FOXD3: variants seen among roughly 807,000 people sequenced by gnomAD.
FOXD3 encodes forkhead box protein D3.
In FOXD3, 3 loss-of-function variants were observed where a neutral mutation model predicts 3.6. The ratio of observed to expected loss-of-function variants is 0.84; its 90% CI spans 0.38 to 2.18. The LOEUF (loss-of-function observed/expected upper bound fraction) is 2.18. Among genes scored for constraint, FOXD3 ranks in the 30% most tolerant of loss-of-function variants. FOXD3 has a pLI of 0.06. For synonymous variants in FOXD3, 391 were observed against 360.9 expected (o/e 1.08, Z -0.94); for missense variants, 686 against 731.6 (o/e 0.94, Z 0.72).
Position 63,325,101 on chromosome 1 carries a change from C to T in FOXD3, c.*606C>T, listed in dbSNP as rs1432402379. 1 of 166,544 alleles carries T rather than the reference C, an allele frequency of 6.0e-6. No homozygotes were observed. The highest frequency in any genetic ancestry group is 2.4e-5 in the African/African-American group (1 of 41,420). The allele number at this position is 166,544 out of a possible 1,614,324, so 10.3% of individuals were successfully genotyped here. On this transcript the variant is annotated 3_prime_UTR_variant, in exon 1 of 1. Coordinates refer to ENST00000371116, the MANE Select transcript of FOXD3 (RefSeq NM_012183.3). ...TGTTATTCCATCGTGTTGTACACAA[C>T]TTTGTAAATAAATTTTTAAAATGCC...
In FOXD3 at chr1:63,324,891, T is replaced by G. The variant is rs1364280118; in HGVS notation, c.*396T>G. 1 of 192,784 alleles carries G rather than the reference T, an allele frequency of 5.2e-6. No homozygotes were observed. The highest frequency in any genetic ancestry group is 2.4e-5 in the African/African-American group (1 of 42,216). 11.9% of individuals were successfully genotyped at this position (192,784 alleles called of 1,614,324 possible). A position where few individuals can be genotyped will look rare whatever the true frequency, so the allele number is the denominator to read the frequency against. ...TTTATTTTTTTAAGAAAAAACAAATTCCGTAGATTTAGAGCTCTGAACTTT... is the reference window on the plus strand; with the variant it reads ...TTTATTTTTTTAAGAAAAAACAAATGCCGTAGATTTAGAGCTCTGAACTTT... On this transcript the variant is annotated 3_prime_UTR_variant, in exon 1 of 1. Coordinates refer to ENST00000371116, the MANE Select transcript of FOXD3 (RefSeq NM_012183.3). This position sits in a 1 kb window ranked among gnomAD's most constrained non-coding sequence, Gnocchi z 4.1.
At position 63,324,222 on chromosome 1, in the gene FOXD3, C is replaced by A; in HGVS notation, c.1164C>A (p.Pro388=). The A allele has an allele frequency of 1.4e-6, 2 of 1,441,266 alleles. No individual in the cohort carries two copies. The highest frequency in any genetic ancestry group is 1.8e-6 in the Non-Finnish European group (2 of 1,108,624). The allele number at this position is 1,441,266 out of a possible 1,614,324, so 89.3% of individuals were successfully genotyped here. The change falls in exon 1 of 1, where the codon CCC becomes CCA. Residue 388 remains proline, a synonymous_variant. Coordinates refer to ENST00000371116, the MANE Select transcript of FOXD3 (RefSeq NM_012183.3). The surrounding 1 kb of genome is among the most constrained non-coding windows in gnomAD (Gnocchi z 4.1). ...FSIENIIGGG[P]AAPGGSAVGA... is the part of the protein sequence containing the mutation. ...TCGAGAACATCATAGGTGGGGGCCC[C>A]GCGGCTCCTGGGGGCTCGGCGGTGG...
Position 63,323,862 on chromosome 1 carries a change from G to T in FOXD3, c.804G>T (p.Ala268=), listed in dbSNP as rs758688806. 1 of 1,555,918 alleles carries T rather than the reference G, an allele frequency of 6.4e-7. No individual in the cohort carries two copies. Among genetic ancestry groups the T allele is most frequent in the Non-Finnish European group, 8.6e-7 (1 of 1,157,052 alleles). ...GCCTGGCGGCGGCGGCCGGCGCCGC[G>T]GGACCCTACGGCCGCCCCTACGGCC... ...AYSLAAAAGA[A]GPYGRPYGLH... The change falls in exon 1 of 1, where the codon GCG becomes GCT. Residue 268 remains alanine (A), a synonymous_variant. Coordinates refer to ENST00000371116, the MANE Select transcript of FOXD3 (RefSeq NM_012183.3). This position sits in a 1 kb window ranked among gnomAD's most constrained non-coding sequence, Gnocchi z 6.8.
Position 63,323,231 on chromosome 1 carries a change from C to T in FOXD3, c.173C>T (p.Ala58Val). ...AGPPELRLDE[A>V]DEVPPAAPHH... Reference sequence around the variant, plus strand: ...CCGCCGGAGCTGCGCCTGGACGAGGCGGACGAGGTGCCCCCGGCGGCACCC... The same window carrying T: ...CCGCCGGAGCTGCGCCTGGACGAGGTGGACGAGGTGCCCCCGGCGGCACCC... Residue 58 changes from alanine (A) to valine (V), a missense_variant, in exon 1 of 1, where the codon GCG becomes GTG. By Grantham distance (64) the Ala-to-Val change is moderately conservative (BLOSUM62 0). Around this residue, in one of 3 missense-constraint regions of FOXD3, gnomAD observed 232 missense variants for 214.0 expected, o/e 1.08. Transcript: ENST00000371116. This position sits in a 1 kb window ranked among gnomAD's most constrained non-coding sequence, Gnocchi z 6.8. The T allele has an allele frequency of 6.6e-7, 1 of 1,525,940 alleles. No individual in the cohort carries two copies. The highest frequency in any genetic ancestry group is 8.8e-7 in the Non-Finnish European group (1 of 1,137,362). 94.5% of individuals were successfully genotyped at this position (1,525,940 alleles called of 1,614,324 possible).
chr1:63,322,725 G>A lies in FOXD3; in HGVS notation c.-334G>A. 1 of 985,114 alleles carries A rather than the reference G, an allele frequency of 1.0e-6. No homozygotes were observed. The highest frequency in any genetic ancestry group is 1.1e-4 in the East Asian group (1 of 8,796). 61.0% of individuals were successfully genotyped at this position (985,114 alleles called of 1,614,324 possible). The stretch of plus-strand genomic sequence containing the variant: ...CCTGCGCCCCACGCCAGGGCCAGAG[G>A]CCGAGGAAGGCGGGCTAAGTGAGGG... On this transcript the variant is annotated 5_prime_UTR_variant, in exon 1 of 1. Transcript: ENST00000371116.
rs1375738961 is a variant in FOXD3, at chr1:63,324,391, G to A, written c.1333G>A (p.Ala445Thr). The A allele has an allele frequency of 6.3e-7, 1 of 1,587,872 alleles. No homozygotes were observed. The change falls in exon 1 of 1, where the codon GCG becomes ACG. Residue 445 changes from alanine (A) to threonine (T), a missense_variant. Physicochemically the swap from Ala to Thr is moderately conservative, Grantham distance 58 (BLOSUM62 0). Transcript: ENST00000371116. This position sits in a 1 kb window ranked among gnomAD's most constrained non-coding sequence, Gnocchi z 4.1. Reference protein sequence around the residue: ...LSLSRTTATIAPILSVPLSGQ... With the variant: ...LSLSRTTATITPILSVPLSGQ... ...GCTGAGCCGGACGACTGCCACCATC[G>A]CGCCCATTCTTAGCGTGCCACTCTC...
chr1:63,323,573 G>T lies in FOXD3; in HGVS notation c.515G>T (p.Ser172Ile). 6.2e-7 allele frequency: 1 copy of T among 1,614,134 alleles called. No individual in the cohort carries two copies. Among genetic ancestry groups the T allele is most frequent in the Non-Finnish European group, 8.5e-7 (1 of 1,180,020 alleles). The change falls in exon 1 of 1, where the codon AGC becomes ATC. Residue 172 changes from serine (S) to isoleucine (I), a missense_variant. Physicochemically the swap from Ser to Ile is moderately radical, Grantham distance 142. Transcript: ENST00000371116. The surrounding 1 kb of genome is among the most constrained non-coding windows in gnomAD (Gnocchi z 6.8). Reference sequence around the variant, plus strand: ...CTGAGCGGCATCTGCGAGTTCATCAGCAACCGCTTCCCCTACTACAGGGAG... The same window carrying T: ...CTGAGCGGCATCTGCGAGTTCATCATCAACCGCTTCCCCTACTACAGGGAG... Reference protein sequence around the residue: ...LTLSGICEFISNRFPYYREKF... With the variant: ...LTLSGICEFIINRFPYYREKF...
chr1:63,323,466 G>A lies in FOXD3; in HGVS notation c.408G>A (p.Lys136=). The A allele has an allele frequency of 6.2e-7, 1 of 1,612,960 alleles. No individual in the cohort carries two copies. The highest frequency in any genetic ancestry group is 2.2e-5 in the East Asian group (1 of 44,776). ...SAGGLAPSKP[K]NSLVKPPYSY... is the part of the protein sequence containing the mutation. The stretch of plus-strand genomic sequence containing the variant: ...GAGGCCTGGCCCCGAGCAAGCCCAA[G>A]AACAGCCTAGTGAAGCCGCCTTACT... Residue 136 remains lysine, a synonymous_variant, in exon 1 of 1, where the codon AAG becomes AAA. Coordinates refer to ENST00000371116, the MANE Select transcript of FOXD3 (RefSeq NM_012183.3). The surrounding 1 kb of genome is among the most constrained non-coding windows in gnomAD (Gnocchi z 6.8).
In FOXD3 at chr1:63,324,499, C is replaced by T. The variant is rs1258872501; in HGVS notation, c.*4C>T. 8 of 1,532,266 alleles carry T rather than the reference C, an allele frequency of 5.2e-6. No individual in the cohort carries two copies. The highest frequency in any genetic ancestry group is 2.6e-6 in the Non-Finnish European group (3 of 1,143,672). The allele number at this position is 1,532,266 out of a possible 1,614,324, so 94.9% of individuals were successfully genotyped here. A position where few individuals can be genotyped will look rare whatever the true frequency, so the allele number is the denominator to read the frequency against. ...AGCCAAATGGCCGGCGCAATAGGGACGCGCCAATGGCCGGGACCCAGGGTC... is the reference window on the plus strand; with the variant it reads ...AGCCAAATGGCCGGCGCAATAGGGATGCGCCAATGGCCGGGACCCAGGGTC... On this transcript the variant is annotated 3_prime_UTR_variant, in exon 1 of 1. Transcript: ENST00000371116. This position sits in a 1 kb window ranked among gnomAD's most constrained non-coding sequence, Gnocchi z 4.1.
chr1:63,324,663 G>C lies in FOXD3; in HGVS notation c.*168G>C, dbSNP rs528235084. 2.1e-4 allele frequency: 132 copies of C among 621,614 alleles called. No individual in the cohort carries two copies. In the East Asian group the frequency reaches 3.4e-3, roughly 16 times the overall value. 38.5% of individuals were successfully genotyped at this position (621,614 alleles called of 1,614,324 possible). On this transcript the variant is annotated 3_prime_UTR_variant, in exon 1 of 1. Coordinates refer to ENST00000371116, the MANE Select transcript of FOXD3 (RefSeq NM_012183.3). This position sits in a 1 kb window ranked among gnomAD's most constrained non-coding sequence, Gnocchi z 4.1. ...TGAGCCCCCAACGCCTACCTTCCGCGGCCTCCATCCCCTCGCGCACACCTA... is the reference window on the plus strand; with the variant it reads ...TGAGCCCCCAACGCCTACCTTCCGCCGCCTCCATCCCCTCGCGCACACCTA...
Position 63,323,200 on chromosome 1 carries a change from G to T in FOXD3, c.142G>T (p.Ala48Ser). The T allele has an allele frequency of 1.3e-6, 2 of 1,543,526 alleles. No individual in the cohort carries two copies. Among genetic ancestry groups the T allele is most frequent in the Admixed American group, 2.0e-5 (1 of 51,246 alleles). Residue 48 changes from alanine (A) to serine (S), a missense_variant, in exon 1 of 1, where the codon GCG becomes TCG. By Grantham distance (99) the Ala-to-Ser change is moderately conservative (BLOSUM62 1). This residue lies in a region of FOXD3 where 232 missense variants were observed against 214.0 expected (regional missense o/e 1.08). Coordinates refer to ENST00000371116, the MANE Select transcript of FOXD3 (RefSeq NM_012183.3). This position sits in a 1 kb window ranked among gnomAD's most constrained non-coding sequence, Gnocchi z 6.8. The part of the protein sequence containing the change: ...KDSDAGCDSP[A>S]GPPELRLDEA... ...CAGCGACGCAGGTTGCGATAGCCCC[G>T]CGGGGCCGCCGGAGCTGCGCCTGGA...
rs1647048463 is a variant in FOXD3, at chr1:63,323,769, C to T, written c.711C>T (p.Phe237=). 6.2e-7 allele frequency: 1 copy of T among 1,613,664 alleles called. No homozygotes were observed. The highest frequency in any genetic ancestry group is 8.5e-7 in the Non-Finnish European group (1 of 1,179,956). The change falls in exon 1 of 1, where the codon TTC becomes TTT. Residue 237 remains phenylalanine (F), a synonymous_variant. Transcript: ENST00000371116. The surrounding 1 kb of genome is among the most constrained non-coding windows in gnomAD (Gnocchi z 6.8). ...NGSFLRRRKR[F]KRHQQEHLRE... ...GCTTCCTGCGGCGCCGGAAACGCTTCAAGCGCCACCAGCAGGAGCACCTGC... is the reference window on the plus strand; with the variant it reads ...GCTTCCTGCGGCGCCGGAAACGCTTTAAGCGCCACCAGCAGGAGCACCTGC...
Position 63,322,984 on chromosome 1 carries a change from A to G in FOXD3, c.-75A>G. 1 of 1,480,452 alleles carries G rather than the reference A, an allele frequency of 6.8e-7. No individual in the cohort carries two copies. Among genetic ancestry groups the G allele is most frequent in the Non-Finnish European group, 8.9e-7 (1 of 1,120,716 alleles). 91.7% of individuals were successfully genotyped at this position (1,480,452 alleles called of 1,614,324 possible). On this transcript the variant is annotated 5_prime_UTR_variant, in exon 1 of 1. Transcript: ENST00000371116. ...GGGGCACTCAAACCCTCTTCCCCTG[A>G]GCTCCGTGGCAGCCCCCGAACACCC...
rs1365055849 is a variant in FOXD3, at chr1:63,324,225, G to T, written c.1167G>T (p.Ala389=). 8 of 1,438,008 alleles carry T rather than the reference G, an allele frequency of 5.6e-6. No individual in the cohort carries two copies. Among genetic ancestry groups the T allele is most frequent in the Non-Finnish European group, 7.2e-6 (8 of 1,107,392 alleles). The allele number at this position is 1,438,008 out of a possible 1,614,324, so 89.1% of individuals were successfully genotyped here. A position where few individuals can be genotyped will look rare whatever the true frequency, so the allele number is the denominator to read the frequency against. ...AGAACATCATAGGTGGGGGCCCCGC[G>T]GCTCCTGGGGGCTCGGCGGTGGGCG... ...SIENIIGGGP[A]APGGSAVGAG... The change falls in exon 1 of 1, where the codon GCG becomes GCT. Residue 389 remains alanine, a synonymous_variant. Transcript: ENST00000371116. This position sits in a 1 kb window ranked among gnomAD's most constrained non-coding sequence, Gnocchi z 4.1.
Position 63,322,614 on chromosome 1 carries a change from CCAG to C in FOXD3, c.-443_-441del. On this transcript the variant is annotated 5_prime_UTR_variant, in exon 1 of 1. Transcript: ENST00000371116. Reference sequence around the variant, plus strand: ...ACCGGGGCTTCGGCGTCCCTGACACCCAGCCCCCTGCCCCCCCGCTACTGTCCC... The same window carrying C: ...ACCGGGGCTTCGGCGTCCCTGACACCCCCCCTGCCCCCCCGCTACTGTCCC... The C allele has an allele frequency of 2.1e-6, 2 of 959,830 alleles. No individual in the cohort carries two copies. The highest frequency in any genetic ancestry group is 2.5e-6 in the Non-Finnish European group (2 of 806,600). 59.5% of individuals were successfully genotyped at this position (959,830 alleles called of 1,614,324 possible). A position where few individuals can be genotyped will look rare whatever the true frequency, so the allele number is the denominator to read the frequency against.
Position 63,324,401 on chromosome 1 carries a change from T to C in FOXD3, c.1343T>C (p.Leu448Pro), listed in dbSNP as rs1647059089. 1 of 1,585,812 alleles carries C rather than the reference T, an allele frequency of 6.3e-7. No homozygotes were observed. The highest frequency in any genetic ancestry group is 8.5e-7 in the Non-Finnish European group (1 of 1,174,878). ...SRTTATIAPI[L>P]SVPLSGQFLQ... Reference sequence around the variant, plus strand: ...ACGACTGCCACCATCGCGCCCATTCTTAGCGTGCCACTCTCCGGACAGTTT... The same window carrying C: ...ACGACTGCCACCATCGCGCCCATTCCTAGCGTGCCACTCTCCGGACAGTTT... The change falls in exon 1 of 1, where the codon CTT becomes CCT. Residue 448 changes from leucine to proline, a missense_variant. Physicochemically the swap from Leu to Pro is moderately conservative, Grantham distance 98 (BLOSUM62 -3). Coordinates refer to ENST00000371116, the MANE Select transcript of FOXD3 (RefSeq NM_012183.3). The surrounding 1 kb of genome is among the most constrained non-coding windows in gnomAD (Gnocchi z 4.1).
In FOXD3 at chr1:63,322,779, G is replaced by A. The variant is rs1647034344; in HGVS notation, c.-280G>A. On this transcript the variant is annotated 5_prime_UTR_variant, in exon 1 of 1. Coordinates refer to ENST00000371116, the MANE Select transcript of FOXD3 (RefSeq NM_012183.3). ...GCGGCGTGGAGAACCGCCGGGGCCG[G>A]GAGCGGTAGCGAGCGCCTAGTACCG... is the stretch of plus-strand genomic sequence containing the variant. The A allele has an allele frequency of 1.6e-5, 16 of 985,268 alleles. No homozygotes were observed. The highest frequency in any genetic ancestry group is 6.1e-5 in the Admixed American group (1 of 16,266). 61.0% of individuals were successfully genotyped at this position (985,268 alleles called of 1,614,324 possible). A position where few individuals can be genotyped will look rare whatever the true frequency, so the allele number is the denominator to read the frequency against.
Position 63,323,249 on chromosome 1 carries a change from CG to C in FOXD3, c.193del (p.Ala65HisfsTer15). On this transcript the variant is annotated frameshift_variant, in exon 1 of 1. Coordinates refer to ENST00000371116, the MANE Select transcript of FOXD3 (RefSeq NM_012183.3). LOFTEE classifies it low-confidence loss of function (END_TRUNC). The surrounding 1 kb of genome is among the most constrained non-coding windows in gnomAD (Gnocchi z 6.8). ...GACGAGGCGGACGAGGTGCCCCCGG[CG>C]GCACCCCATCACGGACAGCCTCAGC... is the stretch of plus-strand genomic sequence containing the variant. ...RLDEADEVPP[A>X]APHHGQPQPP... The C allele has an allele frequency of 6.6e-7, 1 of 1,520,258 alleles. No individual in the cohort carries two copies. Among genetic ancestry groups the C allele is most frequent in the Non-Finnish European group, 8.8e-7 (1 of 1,135,004 alleles). 94.2% of individuals were successfully genotyped at this position (1,520,258 alleles called of 1,614,324 possible).
Position 63,324,679 on chromosome 1 carries a change from C to T in FOXD3, c.*184C>T, listed in dbSNP as rs1265114035. The T allele has an allele frequency of 1.1e-5, 7 of 609,056 alleles. No individual in the cohort carries two copies. The highest frequency in any genetic ancestry group is 8.7e-4 in the Middle Eastern group (2 of 2,288). The allele number at this position is 609,056 out of a possible 1,614,324, so 37.7% of individuals were successfully genotyped here. ...ACCTTCCGCGGCCTCCATCCCCTCG[C>T]GCACACCTAAGCTGGTCGAGCAAAC... On this transcript the variant is annotated 3_prime_UTR_variant, in exon 1 of 1. Transcript: ENST00000371116. This position sits in a 1 kb window ranked among gnomAD's most constrained non-coding sequence, Gnocchi z 4.1.
Sources: gnomAD v4.1 joint callset for allele counts on GRCh38, gnomAD v4.1.1 for gene constraint, gnomAD v4.1.1 regional missense constraint, Gnocchi (gnomAD v3.1) non-coding constraint, MANE v1.5 for transcripts, NCBI Gene and HGNC (gene_info 2026-07-23, HGNC 2026-07-21) for gene names.